Variants in SAMD5 observed in about 807,000 individuals in gnomAD.
SAMD5 encodes sterile alpha motif domain-containing protein 5.
In SAMD5, 13 loss-of-function variants were observed where a neutral mutation model predicts 11.3. The observed-to-expected ratio is 1.15, with a 90% CI of 0.75 to 1.83. The LOEUF (loss-of-function observed/expected upper bound fraction) is 1.83. SAMD5 is among the 40% of genes most tolerant of loss of function. The pLI, the probability that SAMD5 is intolerant of heterozygous loss-of-function variation, is 0.00. For missense variants in SAMD5, 255 were observed against 239.1 expected (o/e 1.07, Z -0.44); for synonymous variants, 129 against 111.3 (o/e 1.16, Z -1.00).
chr6:147,540,933 GTTTTTTTTTTTTTT>G (rs1187718649), intron 1 of SAMD5, among the ~76,000 whole-genome samples: 1 of 64,156 alleles, frequency 1.6e-5, no homozygotes, highest in Non-Finnish European at 2.9e-5. Context: ...CAAGCCACGC[GTTTTTTTTTTTTTT>G]TTTTTTTTTT....
chr6:147,774,199 A>G, the SAMD5 span, among the ~76,000 whole-genome samples: 1 of 152,032 alleles, frequency 6.6e-6, no homozygotes, highest in African/African-American at 2.4e-5. Context: ...CCTACAATTT[A>G]TTCACCTCCC....
chr6:147,666,494 C>G (rs956033760), intron 1 of SAMD5, among the ~76,000 whole-genome samples: 1 of 152,118 alleles, frequency 6.6e-6, no homozygotes, highest in African/African-American at 2.4e-5. Context: ...CTCCTCAGCT[C>G]CCTGTCAGAG....
chr6:147,924,201 A>C, the SAMD5 span, among the ~76,000 whole-genome samples: 1 of 152,174 alleles, frequency 6.6e-6, no homozygotes, highest in Non-Finnish European at 1.5e-5. Context: ...CTGAGAGGTG[A>C]ACCTTAGGGC....
rs1353458663 is a variant in SAMD5, at chr6:147,568,089, G to C, written c.*3633G>C. ...AGGTACAAATGAGTGAGTGACATAT[G>C]TATATTTTCCTCTGATTTTATGACT... On this transcript the variant is annotated 3_prime_UTR_variant, in exon 2 of 2. Transcript: ENST00000367474. 2 of 985,306 alleles carry C rather than the reference G, an allele frequency of 2.0e-6. No homozygotes were observed. Among genetic ancestry groups the C allele is most frequent in the Non-Finnish European group, 1.2e-6 (1 of 829,866 alleles). The allele number at this position is 985,306 out of a possible 1,614,324, so 61.0% of individuals were successfully genotyped here. A position where few individuals can be genotyped will look rare whatever the true frequency, so the allele number is the denominator to read the frequency against.
At chr6:147,543,505 G>C (rs1381507023) in intron 1 of SAMD5, among the ~76,000 whole-genome samples, 4 of 152,256 alleles carry the variant, frequency 2.6e-5, no homozygotes, top group African/African-American at 7.2e-5. Flanking sequence ...ACATTATGCA[G>C]GATATACTGA....
At chr6:147,939,823 T>TA in the SAMD5 span, among the ~76,000 whole-genome samples, 114 of 151,602 alleles carry the variant, frequency 7.5e-4, no homozygotes, top group African/African-American at 2.4e-3. Context: ...TTTTTTTTTT[T>TA]AATTTTTTAG....
At chr6:147,825,373 T>C in the SAMD5 span, among the ~76,000 whole-genome samples, 1 of 152,218 alleles carries the variant, frequency 6.6e-6, no homozygotes, top group South Asian at 2.1e-4. Context: ...GTATCTTCTT[T>C]ACAGTCTTTC....
the SAMD5 span, among the ~76,000 whole-genome samples, chr6:147,816,281 C>A: frequency 0.099 from 2,770 of 27,890 alleles, 372 homozygotes; most frequent in Middle Eastern, 0.17. Flanking sequence ...ACTCCGTCTC[C>A]AAAAAAAAAA....
the SAMD5 span, among the ~76,000 whole-genome samples, chr6:147,847,207 C>T: frequency 6.6e-6 from 1 of 152,094 alleles, no homozygotes; most frequent in African/African-American, 2.4e-5. Context: ...GGAAAAATCT[C>T]CCAGTTTATT....
intron 1 of SAMD5, among the ~76,000 whole-genome samples, chr6:147,621,196 G>C (rs1379046929): frequency 6.6e-6 from 1 of 152,144 alleles, no homozygotes; most frequent in Non-Finnish European, 1.5e-5. Context: ...AAGTTAAAGG[G>C]GGAGAGAGAC....
At chr6:147,885,376 C>A in the SAMD5 span, among the ~76,000 whole-genome samples, 6 of 152,234 alleles carry the variant, frequency 3.9e-5, no homozygotes, top group African/African-American at 1.4e-4. Flanking sequence ...TTAGGACTTT[C>A]GCTTGATAAC....
intron 1 of SAMD5, among the ~76,000 whole-genome samples, chr6:147,692,007 G>A (rs1791111387): frequency 6.6e-6 from 1 of 151,922 alleles, no homozygotes; most frequent in South Asian, 2.1e-4. Flanking sequence ...CCCTGATTGA[G>A]TGCCAGGTAC....
At chr6:147,779,552 A>G in the SAMD5 span, among the ~76,000 whole-genome samples, 2 of 150,864 alleles carry the variant, frequency 1.3e-5, no homozygotes, top group Middle Eastern at 3.2e-3. Flanking sequence ...CTGGAGTGCA[A>G]TGGCACAATC....
the SAMD5 span, among the ~76,000 whole-genome samples, chr6:147,849,599 A>C: frequency 2.0e-5 from 3 of 152,194 alleles, no homozygotes; most frequent in African/African-American, 4.8e-5. Flanking sequence ...TTTAGCACTA[A>C]TGTTGGATTA....
chr6:147,702,565 T>C (rs1385878599), intron 1 of SAMD5, among the ~76,000 whole-genome samples: 2 of 152,232 alleles, frequency 1.3e-5, no homozygotes, highest in Non-Finnish European at 2.9e-5. Flanking sequence ...AGGTTATTGC[T>C]TAATACAAAT....
At chr6:147,601,609 A>G (rs1011456424) in intron 1 of SAMD5, among the ~76,000 whole-genome samples, 5 of 152,224 alleles carry the variant, frequency 3.3e-5, no homozygotes, top group African/African-American at 9.6e-5. Context: ...TCGTTTGAAG[A>G]TAAACATACC....
At chr6:147,701,252 T>G (rs923042396) in intron 1 of SAMD5, among the ~76,000 whole-genome samples, 1 of 152,130 alleles carries the variant, frequency 6.6e-6, no homozygotes, top group African/African-American at 2.4e-5. Context: ...AGTACTGATA[T>G]AAGCATAATA....
the SAMD5 span, among the ~76,000 whole-genome samples, chr6:147,800,789 T>G: frequency 6.6e-6 from 1 of 152,200 alleles, no homozygotes; most frequent in Non-Finnish European, 1.5e-5. Context: ...ATAAATAATG[T>G]TTAGAACCTA....
chr6:147,541,821 A>C (rs1414993477), intron 1 of SAMD5, among the ~76,000 whole-genome samples: 1 of 152,196 alleles, frequency 6.6e-6, no homozygotes, highest in Non-Finnish European at 1.5e-5. Flanking sequence ...CCTGGTTGAG[A>C]AGTCTCCCAA....
Sources: allele counts gnomAD v4.1 joint callset (sites outside exome capture counted in the v4.1 genomes callset), GRCh38; gene constraint gnomAD v4.1.1; transcripts MANE v1.5; gene names NCBI Gene and HGNC (gene_info 2026-07-23, HGNC 2026-07-21).